The following TMEM61 variants were observed in gnomAD, a reference collection of about 807,000 sequenced individuals.
TMEM61 encodes transmembrane protein 61.
In TMEM61, 13 loss-of-function variants were observed where a neutral mutation model predicts 12.0. That is an observed-to-expected ratio of 1.08 (90% CI 0.70 to 1.72). The LOEUF is 1.72. Ranked by LOEUF, TMEM61 falls within the 40% of genes most tolerant of loss-of-function variation. The pLI, the probability that TMEM61 is intolerant of heterozygous loss-of-function variation, is 0.00. For missense variants in TMEM61, 249 were observed against 276.9 expected, an observed-to-expected ratio of 0.90 and a Z score of 0.71; for synonymous variants, 109 against 121.4, an observed-to-expected ratio of 0.90 and a Z score of 0.67.
Position 54,991,975 on chromosome 1 carries a change from C to T in TMEM61, c.505C>T (p.Gln169Ter). Residue 169 changes from glutamine (Q) to a stop codon, truncating the protein, a stop_gained, in exon 3 of 3, where the codon CAG (glutamine) becomes TAG (stop). Transcript: ENST00000371268. LOFTEE classifies it low-confidence loss of function (END_TRUNC). ...SGSRDALLST[Q>*]PAWPPPSYES... ...ATCGAGGGATGCCCTGCTCAGCACC[C>T]AGCCCGCCTGGCCTCCACCCAGCTA... 1 of 1,614,196 alleles carries T rather than the reference C, an allele frequency of 6.2e-7. No individual in the cohort carries two copies.
chr1:54,986,374 G>C lies in TMEM61; in HGVS notation c.293G>C (p.Arg98Pro), dbSNP rs138891775. ...SVKASIPGPP[R>P]WDPYHLSRDL... ...AAGGCCAGCATCCCAGGGCCACCTC[G>C]ATGGGACCCCTATCACCTCTCCAGA... is the stretch of plus-strand genomic sequence containing the variant. The change falls in exon 2 of 3, where the codon CGA (arginine) becomes CCA (proline). Residue 98 changes from arginine to proline, a missense_variant. Physicochemically the swap from Arg to Pro is moderately radical, Grantham distance 103. Coordinates refer to ENST00000371268, the MANE Select transcript of TMEM61 (RefSeq NM_182532.3). 8.0e-5 allele frequency: 129 copies of C among 1,612,760 alleles called. No homozygotes were observed. The highest frequency in any genetic ancestry group is 1.1e-4 in the Non-Finnish European group (125 of 1,179,190).
At chr1:54,987,985 G>A (rs1169631153) in intron 2 of TMEM61, among the ~76,000 whole-genome samples, 1 of 152,256 alleles carries the variant, frequency 6.6e-6, no homozygotes, top group Non-Finnish European at 1.5e-5. Context: ...TTCTGTCTAT[G>A]GGTTCTGCAT....
chr1:54,981,510 T>G (rs1221866974), intron 1 of TMEM61, among the ~76,000 whole-genome samples: 10 of 151,678 alleles, frequency 6.6e-5, no homozygotes, highest in Non-Finnish European at 1.5e-4. Context: ...CCTAGCTGCT[T>G]AGGAAGCTGA....
intron 1 of TMEM61, among the ~76,000 whole-genome samples, chr1:54,981,547 G>C (rs1229334667): frequency 6.6e-6 from 1 of 152,230 alleles, no homozygotes; most frequent in African/African-American, 2.4e-5. Flanking sequence ...GAACTCAGGA[G>C]GCAGAGGGTG....
intron 2 of TMEM61, 91 bp from the exon 3 acceptor site, chr1:54,991,745 C>A (rs1490716357): frequency 2.7e-6 from 4 of 1,460,998 alleles, no homozygotes; most frequent in Non-Finnish European, 3.7e-6. Flanking sequence ...GGTGTGAAGA[C>A]TTCTCTGCCC....
At chr1:54,982,218 C>T (rs1044352645) in intron 1 of TMEM61, among the ~76,000 whole-genome samples, 4 of 152,102 alleles carry the variant, frequency 2.6e-5, no homozygotes, top group African/African-American at 9.7e-5. Flanking sequence ...ATCTGATTCC[C>T]GGAAAACCCT....
At chr1:54,987,422 T>C (rs993978284) in intron 2 of TMEM61, among the ~76,000 whole-genome samples, 15 of 152,120 alleles carry the variant, frequency 9.9e-5, no homozygotes, top group Non-Finnish European at 5.9e-5. Context: ...CCATCCTTCT[T>C]AGACTTTTTT....
intron 1 of TMEM61, among the ~76,000 whole-genome samples, chr1:54,981,728 C>G (rs1278957063): frequency 6.6e-6 from 1 of 152,176 alleles, no homozygotes; most frequent in Non-Finnish European, 1.5e-5. Context: ...GAGGGAGGCT[C>G]TGTCCTCCGG....
chr1:54,987,560 C>T (rs969072039), intron 2 of TMEM61, among the ~76,000 whole-genome samples: 4 of 152,118 alleles, frequency 2.6e-5, no homozygotes, highest in Non-Finnish European at 5.9e-5. Context: ...AATGTGTGTC[C>T]TGTTGAGAAT....
chr1:54,992,072 G>T lies in TMEM61; in HGVS notation c.602G>T (p.Gly201Val), dbSNP rs1428585683. ...CCGAGTGCCACACGCTCCTGCTCAG[G>T]CCTGGTTCAGACTGCACGGGGAGGA... ...TTPSATRSCS[G>V]LVQTARGGS The change falls in exon 3 of 3, where the codon GGC (glycine) becomes GTC (valine). Residue 201 changes from glycine (G) to valine (V), a missense_variant. Transcript: ENST00000371268. 14 of 1,613,128 alleles carry T rather than the reference G, an allele frequency of 8.7e-6. No individual in the cohort carries two copies. Among genetic ancestry groups the T allele is most frequent in the Non-Finnish European group, 1.2e-5 (14 of 1,180,024 alleles).
rs1221900910 is a variant in TMEM61 at position 54,986,118 on chromosome 1, G to A, written c.37G>A (p.Ala13Thr). 6.3e-7 allele frequency: 1 copy of A among 1,594,380 alleles called. No individual in the cohort carries two copies. The highest frequency in any genetic ancestry group is 1.7e-5 in the Admixed American group (1 of 59,272). Residue 13 changes from alanine to threonine, a missense_variant, in exon 2 of 3, where the codon GCC becomes ACC. Physicochemically the swap from Ala to Thr is moderately conservative, Grantham distance 58. Transcript: ENST00000371268. ...LPQMCDGSHLASTLRYCMTVS... is the reference protein window; with the variant it reads ...LPQMCDGSHLTSTLRYCMTVS... ...CCAGATGTGTGACGGGAGCCACTTG[G>A]CCTCCACCCTCCGCTATTGCATGAC...
intron 2 of TMEM61, among the ~76,000 whole-genome samples, 173 bp from the exon 3 acceptor site, chr1:54,991,663 C>T (rs535986550): frequency 2.5e-3 from 382 of 152,306 alleles, no homozygotes; most frequent in Non-Finnish European, 3.1e-3. Context: ...GGCTGAGGGC[C>T]ACAGGGGCTG....
chr1:54,988,740 C>T (rs1644276440), intron 2 of TMEM61, among the ~76,000 whole-genome samples: 1 of 152,228 alleles, frequency 6.6e-6, no homozygotes, highest in Non-Finnish European at 1.5e-5. Context: ...ATTGATTGAG[C>T]ACACGTAGGT....
Position 54,986,449 on chromosome 1 carries a change from C to T in TMEM61, c.365+3C>T. The T allele has an allele frequency of 6.5e-7, 1 of 1,548,080 alleles. No homozygotes were observed. Among genetic ancestry groups the T allele is most frequent in the Non-Finnish European group, 8.8e-7 (1 of 1,140,758 alleles). On this transcript the variant is annotated splice_donor_region_variant and intron_variant, in intron 2 of 2. Coordinates refer to ENST00000371268, the MANE Select transcript of TMEM61 (RefSeq NM_182532.3). ...TCCTCAGAGAAGGAGAGCTGCAGGT[C>T]AGCAGGGCGGGGTGTGGCAGCGGGT... is the stretch of plus-strand genomic sequence containing the variant.
In TMEM61 at chr1:54,980,955, C is replaced by G; in HGVS notation, c.-111C>G. 1.6e-6 allele frequency: 2 copies of G among 1,251,594 alleles called. No homozygotes were observed. Among genetic ancestry groups the G allele is most frequent in the Non-Finnish European group, 2.1e-6 (2 of 930,576 alleles). 77.5% of individuals were successfully genotyped at this position (1,251,594 alleles called of 1,614,324 possible). A position where few individuals can be genotyped will look rare whatever the true frequency, so the allele number is the denominator to read the frequency against. ...CCCTAACACCCGCGCCTCCTGCAGA[C>G]CCGAGGGTCGCCGCTGGTAGGGTCG... On this transcript the variant is annotated 5_prime_UTR_variant, in exon 1 of 3. Coordinates refer to ENST00000371268, the MANE Select transcript of TMEM61 (RefSeq NM_182532.3).
chr1:54,989,539 C>G (rs1644281842), intron 2 of TMEM61, among the ~76,000 whole-genome samples: 1 of 152,250 alleles, frequency 6.6e-6, no homozygotes, highest in South Asian at 2.1e-4. Context: ...TGTGGCAGGA[C>G]TGCCCCACAC....
intron 1 of TMEM61, among the ~76,000 whole-genome samples, chr1:54,983,159 G>T (rs1469824985): frequency 8.1e-6 from 1 of 123,324 alleles, no homozygotes; most frequent in Non-Finnish European, 1.6e-5. Context: ...TGTCACCCAG[G>T]CTGGAGTGCA....
intron 2 of TMEM61, among the ~76,000 whole-genome samples, chr1:54,990,511 C>G (rs6693230): frequency 0.025 from 3,829 of 152,238 alleles, 154 homozygotes; most frequent in African/African-American, 0.086. Flanking sequence ...TCAGCTAAGT[C>G]CCATCTACTG....
chr1:54,991,724 G>C, intron 2 of TMEM61, 112 bp from the exon 3 acceptor site: 2 of 1,306,024 alleles, frequency 1.5e-6, no homozygotes, highest in Admixed American at 4.2e-5. Context: ...AGCCACAAAG[G>C]CTTGGAGCAG....
Sources: allele counts gnomAD v4.1 joint callset (sites outside exome capture counted in the v4.1 genomes callset), GRCh38; gene constraint gnomAD v4.1.1; transcripts MANE v1.5; gene names NCBI Gene and HGNC (gene_info 2026-07-23, HGNC 2026-07-21).